The following NUP153 variants were observed in gnomAD, a reference collection of about 807,000 sequenced individuals.
NUP153 encodes the protein nucleoporin 153, also known as nuclear pore complex protein Nup153.
In NUP153, 27 loss-of-function variants were observed where a neutral mutation model predicts 134.6. The ratio of observed to expected loss-of-function variants is 0.20; its 90% CI spans 0.15 to 0.28. NUP153 has a LOEUF of 0.28. Among genes scored for constraint, NUP153 ranks in the 10% least tolerant of loss-of-function variants. The probability of loss-of-function intolerance (pLI) is 1.00; values close to 1 mark genes in which losing one functional copy is unlikely to be tolerated. For synonymous variants in NUP153, 640 were observed against 623.5 expected, an observed-to-expected ratio of 1.03 and a Z score of -0.40; for missense variants, 1,821 against 1,731.3, an observed-to-expected ratio of 1.05 and a Z score of -0.92.
chr6:17,642,284 G>A (rs1765878011), intron 14 of NUP153, among the ~76,000 whole-genome samples: 2 of 152,144 alleles, frequency 1.3e-5, no homozygotes, highest in Admixed American at 1.3e-4. Flanking sequence ...AAAGTGAAAA[G>A]ACAATCTATA....
chr6:17,684,797 A>C (rs150345386), intron 2 of NUP153, among the ~76,000 whole-genome samples: 11 of 152,302 alleles, frequency 7.2e-5, no homozygotes, highest in Non-Finnish European at 1.6e-4. Flanking sequence ...GCCTAATTTC[A>C]ATACTGTCAG....
chr6:17,702,246 G>T (rs998561135), intron 1 of NUP153, among the ~76,000 whole-genome samples: 1 of 152,176 alleles, frequency 6.6e-6, no homozygotes, highest in East Asian at 1.9e-4. Flanking sequence ...GGTAGCTCAT[G>T]CCTGTAATAC....
At chr6:17,661,527 T>C in intron 11 of NUP153, 126 bp downstream of exon 11, 1 of 806,054 alleles carries the variant, frequency 1.2e-6, no homozygotes, top group Non-Finnish European at 1.8e-6. Context: ...TTGAAAGAAC[T>C]GATTCAATAG....
chr6:17,639,985 T>G lies in NUP153; in HGVS notation c.1800A>C (p.Ala600=), dbSNP rs2228376. 15,601 of 1,613,026 alleles carry G rather than the reference T, an allele frequency of 9.7e-3. 103 individuals carry two copies. Among genetic ancestry groups the G allele is most frequent in the Non-Finnish European group, 0.011 (13,444 of 1,179,302 alleles). ...GAACACTTCCTTCTTTCAGGATTTC[T>G]GCAGGTCTAAAAGGACCCTCACAAT... ...PEDCEGPFRP[A]EILKEGSVLD... The change falls in exon 15 of 22, where the codon GCA becomes GCC. Residue 600 remains alanine (A), a synonymous_variant. Transcript: ENST00000262077.
In NUP153 at chr6:17,675,275, G is replaced by A; in HGVS notation, c.677C>T (p.Ser226Leu). The change falls in exon 4 of 22, where the codon TCA becomes TTA. Residue 226 changes from serine (S) to leucine (L), a missense_variant. Coordinates refer to ENST00000262077, the MANE Select transcript of NUP153 (RefSeq NM_005124.4). The surrounding 1 kb of genome is among the most constrained non-coding windows in gnomAD (Gnocchi z 4.4). Reference protein sequence around the residue: ...HSLSQHTATSSKKPAFNLSAF... With the variant: ...HSLSQHTATSLKKPAFNLSAF... ...AGACAAGTTGAATGCTGGTTTTTTT[G>A]AGCTGGTGGCAGTGTGCTGTGAGAG... The A allele has an allele frequency of 6.2e-7, 1 of 1,614,046 alleles. No homozygotes were observed. The highest frequency in any genetic ancestry group is 8.5e-7 in the Non-Finnish European group (1 of 1,179,994).
intron 11 of NUP153, among the ~76,000 whole-genome samples, chr6:17,656,214 C>T (rs1766815802): frequency 6.6e-6 from 1 of 152,152 alleles, no homozygotes. Flanking sequence ...AATAAATAAA[C>T]AAACAAACCA....
chr6:17,640,125 TTTTTAA>T, intron 14 of NUP153, 61 bp from the exon 15 acceptor site: 1 of 1,295,472 alleles, frequency 7.7e-7, no homozygotes, highest in South Asian at 1.7e-5. Flanking sequence ...CTCAAATGCA[TTTTTAA>T]AAATCTTTCA....
chr6:17,658,842 G>C (rs1172155473), intron 11 of NUP153, among the ~76,000 whole-genome samples: 1 of 151,982 alleles, frequency 6.6e-6, no homozygotes, highest in African/African-American at 2.4e-5. Context: ...TAACCAAGAA[G>C]TAGCTTCAAA....
At chr6:17,692,186 T>C (rs1430285137) in intron 1 of NUP153, among the ~76,000 whole-genome samples, 1 of 152,192 alleles carries the variant, frequency 6.6e-6, no homozygotes, top group African/African-American at 2.4e-5. Context: ...AAAGTGGATA[T>C]AATAAAGCTC....
At chr6:17,659,067 A>G (rs550395720) in intron 11 of NUP153, among the ~76,000 whole-genome samples, 2 of 152,284 alleles carry the variant, frequency 1.3e-5, no homozygotes, top group East Asian at 3.9e-4. Flanking sequence ...ACAACACCCA[A>G]TGGCACACTG....
At chr6:17,697,684 T>A (rs1769746384) in intron 1 of NUP153, among the ~76,000 whole-genome samples, 1 of 151,060 alleles carries the variant, frequency 6.6e-6, no homozygotes, top group African/African-American at 2.4e-5. Context: ...CGAGACTCCA[T>A]CTCAAAAAAA....
intron 14 of NUP153, among the ~76,000 whole-genome samples, chr6:17,644,498 C>G (rs573824828): frequency 2.0e-5 from 3 of 152,174 alleles, no homozygotes; most frequent in Non-Finnish European, 2.9e-5. Flanking sequence ...AATTCTAAAG[C>G]GTGTCATGCT....
chr6:17,666,791 C>G (rs1244565674), intron 8 of NUP153, among the ~76,000 whole-genome samples: 6 of 152,206 alleles, frequency 3.9e-5, no homozygotes, highest in Non-Finnish European at 8.8e-5. Flanking sequence ...AAGCCAGAAG[C>G]TTCTAACTCT....
intron 9 of NUP153, 72 bp from the exon 10 acceptor site, chr6:17,662,142 ATTAATT>A: frequency 7.7e-7 from 1 of 1,299,934 alleles, no homozygotes. Flanking sequence ...CTTGCTTCCT[ATTAATT>A]TTAATATTTA....
intron 1 of NUP153, among the ~76,000 whole-genome samples, chr6:17,693,334 A>G (rs892184920): frequency 5.3e-5 from 8 of 152,026 alleles, no homozygotes; most frequent in Admixed American, 3.9e-4. Context: ...AGACTGCCCC[A>G]TGAGAGATAT....
intron 16 of NUP153, among the ~76,000 whole-genome samples, chr6:17,636,144 G>T (rs1765537295): frequency 6.6e-6 from 1 of 152,138 alleles, no homozygotes; most frequent in Non-Finnish European, 1.5e-5. Flanking sequence ...GACCAGCCTG[G>T]CCAACATGGC....
At chr6:17,632,623 C>T (rs1202168018) in intron 17 of NUP153, 27 bp downstream of exon 17, 1 of 1,566,430 alleles carries the variant, frequency 6.4e-7, no homozygotes, top group Admixed American at 1.9e-5. Context: ...TTTACCATCA[C>T]CTTTATTTTT....
chr6:17,658,645 T>C (rs977177308), intron 11 of NUP153, among the ~76,000 whole-genome samples: 2 of 152,184 alleles, frequency 1.3e-5, no homozygotes, highest in Admixed American at 1.3e-4. Context: ...TCATTCACCA[T>C]TTGAAGAAAA....
At chr6:17,682,728 C>T (rs1282696838) in intron 2 of NUP153, among the ~76,000 whole-genome samples, 6 of 151,934 alleles carry the variant, frequency 3.9e-5, no homozygotes, top group East Asian at 1.9e-4. Flanking sequence ...ACCATCCTTG[C>T]CAACACGGTG....
Sources: gnomAD v4.1 joint callset for allele counts (sites outside exome capture counted in the v4.1 genomes callset) on GRCh38, gnomAD v4.1.1 for gene constraint, Gnocchi (gnomAD v3.1) non-coding constraint, MANE v1.5 for transcripts, NCBI Gene and HGNC (gene_info 2026-07-23, HGNC 2026-07-21) for gene names.